ABCB1: variants seen among roughly 807,000 people sequenced by gnomAD.
ABCB1 encodes ATP binding cassette subfamily B member 1, also known as ATP-dependent translocase ABCB1.
In ABCB1, 69 loss-of-function variants were observed where a neutral mutation model predicts 142.0. That is an observed-to-expected ratio of 0.49 (90% CI 0.40 to 0.59). The LOEUF (loss-of-function observed/expected upper bound fraction) is 0.59, where lower values mean the gene tolerates loss of function less well. Ranked by LOEUF, ABCB1 falls within the 20% of genes least tolerant of loss-of-function variation. The pLI, the probability that ABCB1 is intolerant of heterozygous loss-of-function variation, is 0.00. For synonymous variants in ABCB1, 532 were observed against 539.2 expected (o/e 0.99, Z 0.18); for missense variants, 1,326 against 1,554.7 (o/e 0.85, Z 2.47).
At position 87,582,277 on chromosome 7, in the gene ABCB1, T is replaced by C. The variant is rs73705262; in HGVS notation, c.286+3235A>G. ...GAATAGGTACACTTTGTGTAGGAGATAGATGCTGACCATATTTGGTTATCA... is the reference window on the plus strand; with the variant it reads ...GAATAGGTACACTTTGTGTAGGAGACAGATGCTGACCATATTTGGTTATCA... On this transcript the variant is annotated intron_variant, in intron 4 of 27. Coordinates refer to ENST00000622132, the MANE Select transcript of ABCB1 (RefSeq NM_001348946.2). 4.2e-3 allele frequency among the ~76,000 whole-genome samples: 638 copies of C among 152,360 alleles called. 4 individuals carry two copies. Among genetic ancestry groups the C allele is most frequent in the African/African-American group, 0.015 (604 of 41,590 alleles).
chr7:87,658,345 C>A (rs550520241), intron 1 of ABCB1, among the ~76,000 whole-genome samples: 19 of 152,100 alleles, frequency 1.2e-4, no homozygotes, highest in Admixed American at 2.6e-4. Context: ...ATTTCCTAAT[C>A]TGAACAACAG....
chr7:87,543,944 G>A (rs187508088), intron 17 of ABCB1, among the ~76,000 whole-genome samples, 185 bp downstream of exon 17: 1 of 152,252 alleles, frequency 6.6e-6, no homozygotes, highest in Admixed American at 6.5e-5. Context: ...ACAAAGGAAG[G>A]TTCACAAAGT....
At chr7:87,661,220 AG>A (rs1824676995) in intron 1 of ABCB1, among the ~76,000 whole-genome samples, 1 of 152,104 alleles carries the variant, frequency 6.6e-6, no homozygotes, top group East Asian at 1.9e-4. Flanking sequence ...AGCATAAATA[AG>A]GTATCCATCA....
At chr7:87,518,404 A>T (rs1815344010) in intron 23 of ABCB1, among the ~76,000 whole-genome samples, 1 of 152,178 alleles carries the variant, frequency 6.6e-6, no homozygotes. Flanking sequence ...TAATTATCTA[A>T]TCAAAGCCCC....
chr7:87,523,042 T>G (rs1815591188), intron 21 of ABCB1, among the ~76,000 whole-genome samples: 1 of 152,168 alleles, frequency 6.6e-6, no homozygotes. Context: ...TAAACATTTG[T>G]CCATATTGAA....
chr7:87,684,746 C>CAAAAAAAAAAAAAA (rs71524694), intron 1 of ABCB1, among the ~76,000 whole-genome samples: 39 of 37,788 alleles, frequency 1.0e-3, no homozygotes, highest in Admixed American at 1.6e-3. Flanking sequence ...GACTCCGTCT[C>CAAAAAAAAAAAAAA]AAAAAAAAAA....
intron 21 of ABCB1, among the ~76,000 whole-genome samples, chr7:87,527,098 C>T (rs532295495): frequency 3.9e-5 from 6 of 152,158 alleles, no homozygotes; most frequent in Admixed American, 3.9e-4. Flanking sequence ...ATTTCTGCTG[C>T]CTCTTGATTG....
At chr7:87,705,053 C>A (rs1829465368) in intron 1 of ABCB1, among the ~76,000 whole-genome samples, 1 of 152,180 alleles carries the variant, frequency 6.6e-6, no homozygotes, top group African/African-American at 2.4e-5. Flanking sequence ...AATTATATCA[C>A]AATTATCTGT....
intron 1 of ABCB1, among the ~76,000 whole-genome samples, chr7:87,652,840 T>C (rs1823721854): frequency 1.3e-5 from 2 of 151,982 alleles, no homozygotes; most frequent in African/African-American, 4.8e-5. Context: ...AACTAATTTT[T>C]CCAGTGTTTT....
chr7:87,601,250 C>T (rs1819446730), upstream of ABCB1, among the ~76,000 whole-genome samples: 1 of 152,128 alleles, frequency 6.6e-6, no homozygotes, highest in South Asian at 2.1e-4. Context: ...ACAAAAACTC[C>T]GACCTCTCCA....
At chr7:87,674,801 G>C (rs1202323434) in intron 1 of ABCB1, among the ~76,000 whole-genome samples, 1 of 152,158 alleles carries the variant, frequency 6.6e-6, no homozygotes, top group Admixed American at 6.5e-5. Flanking sequence ...TAGCTGACAG[G>C]AGGGTGCTTA....
chr7:87,571,416 A>G (rs1219511971), intron 4 of ABCB1, among the ~76,000 whole-genome samples: 1 of 152,212 alleles, frequency 6.6e-6, no homozygotes, highest in Admixed American at 6.5e-5. Flanking sequence ...GCCACCAGCA[A>G]TGTATACGAT....
At chr7:87,620,271 C>T (rs964987780) in intron 1 of ABCB1, among the ~76,000 whole-genome samples, 3 of 151,930 alleles carry the variant, frequency 2.0e-5, no homozygotes, top group Admixed American at 6.6e-5. Context: ...AGTAATTCTT[C>T]TGCTCACCCT....
At chr7:87,570,260 C>CTTTAGTCTTTAGTCTTTA in intron 4 of ABCB1, 37 bp from the exon 5 acceptor site, 1 of 1,550,334 alleles carries the variant, frequency 6.5e-7, no homozygotes, top group Non-Finnish European at 8.9e-7. Flanking sequence ...ATTTATGTCT[C>CTTTAGTCTTTAGTCTTTA]TTTAGTCTCC....
At chr7:87,700,026 G>A (rs1459953069) in intron 1 of ABCB1, among the ~76,000 whole-genome samples, 1 of 151,828 alleles carries the variant, frequency 6.6e-6, no homozygotes, top group Non-Finnish European at 1.5e-5. Flanking sequence ...TTTTTAAATA[G>A]AGAAAGGTTT....
At chr7:87,703,772 A>G (rs1162340749) in intron 1 of ABCB1, among the ~76,000 whole-genome samples, 5 of 151,604 alleles carry the variant, frequency 3.3e-5, no homozygotes, top group Non-Finnish European at 7.4e-5. Flanking sequence ...CTGTTTCCTC[A>G]AACTACTGAA....
chr7:87,628,593 G>A, intron 1 of ABCB1: 1 of 124,706 alleles, frequency 8.0e-6, no homozygotes, highest in Non-Finnish European at 1.6e-5. Flanking sequence ...GCGTGTGTGT[G>A]TGTGTGTGTG....
At chr7:87,554,028 G>A in intron 8 of ABCB1, 96 bp from the exon 9 acceptor site, 1 of 1,146,832 alleles carries the variant, frequency 8.7e-7, no homozygotes, top group South Asian at 1.3e-5. Flanking sequence ...GTTCAGTCCT[G>A]TGATATACAT....
At chr7:87,636,138 G>A (rs959642125) in intron 1 of ABCB1, among the ~76,000 whole-genome samples, 6 of 152,138 alleles carry the variant, frequency 3.9e-5, no homozygotes, top group Admixed American at 1.3e-4. Flanking sequence ...GCAGATATTC[G>A]GCTTCAGTAG....
Sources: allele counts gnomAD v4.1 joint callset (sites outside exome capture counted in the v4.1 genomes callset), GRCh38; gene constraint gnomAD v4.1.1; transcripts MANE v1.5; gene names NCBI Gene and HGNC (gene_info 2026-07-23, HGNC 2026-07-21).